CCDC192: variants seen among roughly 807,000 people sequenced by gnomAD.
CCDC192 encodes the protein coiled-coil domain-containing protein 192.
intron 6 of CCDC192, among the ~76,000 whole-genome samples, chr5:127,917,932 G>A (rs1011265258): frequency 1.3e-5 from 2 of 152,064 alleles, no homozygotes; most frequent in East Asian, 3.9e-4. Context: ...TTGAGCCCAG[G>A]TGTTGGAGAC....
intron 2 of CCDC192, among the ~76,000 whole-genome samples, chr5:127,750,555 AGGTGT>A (rs1479096942): frequency 6.6e-4 from 100 of 150,912 alleles, no homozygotes; most frequent in African/African-American, 2.2e-3. Flanking sequence ...ATTTTGGAAT[AGGTGT>A]GGTGTGGTGC....
intron 5 of CCDC192, among the ~76,000 whole-genome samples, chr5:127,869,974 C>G (rs1278125669): frequency 6.6e-6 from 1 of 152,188 alleles, no homozygotes; most frequent in African/African-American, 2.4e-5. Flanking sequence ...CATGTGGGGT[C>G]AGGCTCTGGG....
intron 6 of CCDC192, among the ~76,000 whole-genome samples, chr5:127,928,239 T>TA (rs1488466982): frequency 6.6e-6 from 1 of 152,192 alleles, no homozygotes; most frequent in Non-Finnish European, 1.5e-5. Context: ...TTATAGTTCT[T>TA]ATAGATGGAG....
At chr5:127,712,825 C>T (rs1280442105) in intron 2 of CCDC192, among the ~76,000 whole-genome samples, 1 of 152,104 alleles carries the variant, frequency 6.6e-6, no homozygotes, top group East Asian at 1.9e-4. Flanking sequence ...TTTTGAAAAA[C>T]CTGCTAAACT....
At chr5:127,763,348 T>C (rs1328706850) in intron 3 of CCDC192, among the ~76,000 whole-genome samples, 1 of 152,212 alleles carries the variant, frequency 6.6e-6, no homozygotes, top group Non-Finnish European at 1.5e-5. Flanking sequence ...ATGCCTCATA[T>C]GCAATCAATT....
Position 127,764,648 on chromosome 5 carries a change from T to C in CCDC192, c.222+10273T>C, listed in dbSNP as rs571643499. Among the ~76,000 whole-genome samples the C allele has an allele frequency of 1.8e-4, 27 of 152,252 alleles. No individual in the cohort carries two copies. The South Asian group carries it at 5.2e-3, about 29-fold the overall frequency. On this transcript the variant is annotated intron_variant, in intron 3 of 6. Transcript: ENST00000514853. ...GATCCTTTAACTCTGGGGTGTCTAA[T>C]CTTTTGGCTTCTCTTGGCCACATTA...
intron 3 of CCDC192, among the ~76,000 whole-genome samples, chr5:127,793,679 T>C (rs1214444036): frequency 2.0e-5 from 3 of 152,202 alleles, no homozygotes; most frequent in African/African-American, 7.2e-5. Context: ...AGAAAATTGC[T>C]GATAGGGTTT....
chr5:127,892,153 A>G (rs559296853), intron 6 of CCDC192, among the ~76,000 whole-genome samples: 8 of 152,372 alleles, frequency 5.3e-5, no homozygotes, highest in African/African-American at 1.9e-4. Context: ...TACAATAATT[A>G]TCATTTGAAG....
At chr5:127,814,904 T>C (rs936473372) in intron 5 of CCDC192, among the ~76,000 whole-genome samples, 2 of 152,256 alleles carry the variant, frequency 1.3e-5, no homozygotes, top group African/African-American at 4.8e-5. Flanking sequence ...ATCTTCAGTA[T>C]GGCGAATTTT....
intron 5 of CCDC192, among the ~76,000 whole-genome samples, chr5:127,861,121 T>C (rs958417769): frequency 6.6e-6 from 1 of 151,840 alleles, no homozygotes; most frequent in African/African-American, 2.4e-5. Flanking sequence ...CAATTCTCCT[T>C]CCTCAGCCTC....
intron 1 of CCDC192, among the ~76,000 whole-genome samples, chr5:127,705,697 G>GT (rs1750918964): frequency 6.6e-6 from 1 of 152,074 alleles, no homozygotes; most frequent in Non-Finnish European, 1.5e-5. Context: ...GTGAAGAAAT[G>GT]TAAGATTTCA....
intron 5 of CCDC192, among the ~76,000 whole-genome samples, chr5:127,827,835 G>A (rs1749602416): frequency 6.6e-6 from 1 of 152,160 alleles, no homozygotes; most frequent in African/African-American, 2.4e-5. Flanking sequence ...AAAAATGAGA[G>A]GCATATACCT....
chr5:127,890,100 A>G (rs771575411), intron 6 of CCDC192, among the ~76,000 whole-genome samples: 4 of 152,072 alleles, frequency 2.6e-5, no homozygotes, highest in African/African-American at 4.8e-5. Flanking sequence ...TTGTCCATGT[A>G]TGGTGGCTCA....
intron 5 of CCDC192, among the ~76,000 whole-genome samples, chr5:127,819,372 C>T (rs916780901): frequency 6.6e-6 from 1 of 152,100 alleles, no homozygotes; most frequent in Non-Finnish European, 1.5e-5. Flanking sequence ...TTACTCTCTC[C>T]CCAGTCAGAT....
intron 6 of CCDC192, among the ~76,000 whole-genome samples, chr5:127,910,519 G>A (rs1472571610): frequency 6.6e-6 from 1 of 152,208 alleles, no homozygotes; most frequent in Non-Finnish European, 1.5e-5. Flanking sequence ...GGTTGGGTGT[G>A]TAGTTAGGGA....
intron 2 of CCDC192, among the ~76,000 whole-genome samples, chr5:127,727,479 G>GAA (rs200682335): frequency 9.5e-5 from 14 of 146,788 alleles, no homozygotes; most frequent in East Asian, 7.9e-4. Flanking sequence ...TCTAAAAAAA[G>GAA]AAAAAAAAAA....
At chr5:127,733,880 TC>T (rs1403827509) in intron 2 of CCDC192, among the ~76,000 whole-genome samples, 1 of 151,012 alleles carries the variant, frequency 6.6e-6, no homozygotes, top group African/African-American at 2.4e-5. Flanking sequence ...ATTTTTTATT[TC>T]CACCTGAGAA....
At chr5:127,782,384 T>C (rs1192708185) in intron 3 of CCDC192, among the ~76,000 whole-genome samples, 1 of 152,158 alleles carries the variant, frequency 6.6e-6, no homozygotes, top group Non-Finnish European at 1.5e-5. Context: ...ATAGCGTCAA[T>C]AGGATTTGTA....
At chr5:127,928,627 G>T (rs1247115848) in intron 6 of CCDC192, among the ~76,000 whole-genome samples, 1 of 152,056 alleles carries the variant, frequency 6.6e-6, no homozygotes, top group Admixed American at 6.5e-5. Flanking sequence ...CATCTTTGTG[G>T]ACAGGCAGTC....
Sources: gnomAD v4.1 joint callset for allele counts (sites outside exome capture counted in the v4.1 genomes callset) on GRCh38, gnomAD v4.1.1 for gene constraint, MANE v1.5 for transcripts, NCBI Gene and HGNC (gene_info 2026-07-23, HGNC 2026-07-21) for gene names.